Variants in SNRNP70 observed in about 807,000 individuals in gnomAD.
SNRNP70 encodes the protein small nuclear ribonucleoprotein U1 subunit 70.
A neutral mutation model predicts 50.5 loss-of-function variants in SNRNP70; 8 were observed. That is an observed-to-expected ratio of 0.16 (90% CI 0.09 to 0.29). The LOEUF is 0.29. Ranked by LOEUF, SNRNP70 falls within the 10% of genes least tolerant of loss-of-function variation. The probability of loss-of-function intolerance (pLI) is 1.00; values close to 1 mark genes in which losing one functional copy is unlikely to be tolerated. For missense variants in SNRNP70, 529 were observed against 663.5 expected (o/e 0.80, Z 2.23); for synonymous variants, 320 against 252.9 (o/e 1.27, Z -2.52).
chr19:49,101,740 G>T (rs1361171072), intron 7 of SNRNP70: 2 of 488,642 alleles, frequency 4.1e-6, no homozygotes, highest in African/African-American at 3.9e-5. Context: ...GAGGGAACTG[G>T]GTGGGGGGCT....
intron 6 of SNRNP70, among the ~76,000 whole-genome samples, chr19:49,099,988 G>A (rs1302630744): frequency 6.6e-6 from 1 of 152,178 alleles, no homozygotes; most frequent in Non-Finnish European, 1.5e-5. Context: ...GCCTTGCACA[G>A]CCCAGTGACA....
chr19:49,100,845 C>T (rs2040575337), intron 6 of SNRNP70, among the ~76,000 whole-genome samples: 2 of 151,204 alleles, frequency 1.3e-5, no homozygotes, highest in South Asian at 2.1e-4. Context: ...GTCCCATTGG[C>T]ATTCACAACT....
chr19:49,094,659 G>C (rs1015277260), intron 4 of SNRNP70, among the ~76,000 whole-genome samples: 9 of 152,202 alleles, frequency 5.9e-5, no homozygotes, highest in Admixed American at 3.3e-4. Context: ...ATCAAGTTCA[G>C]TAGGGTTTCT....
intron 2 of SNRNP70, among the ~76,000 whole-genome samples, chr19:49,087,177 CAAAAAAAA>C (rs11398967): frequency 9.9e-6 from 1 of 100,638 alleles, no homozygotes; most frequent in Admixed American, 1.2e-4. Flanking sequence ...AAGACTGTCT[CAAAAAAAA>C]AAAAAAAAAA....
chr19:49,106,159 A>G (rs2040665988), intron 8 of SNRNP70, among the ~76,000 whole-genome samples: 1 of 152,060 alleles, frequency 6.6e-6, no homozygotes, highest in Admixed American at 6.6e-5. Flanking sequence ...GGAGCTTACC[A>G]GGCATGTTCT....
intron 7 of SNRNP70, chr19:49,101,802 A>C (rs2122373998): frequency 2.5e-6 from 1 of 396,320 alleles, no homozygotes; most frequent in Middle Eastern, 8.0e-4. Flanking sequence ...AACCTCCCCC[A>C]TTCCCCCCAC....
chr19:49,108,065 C>CGGT lies in SNRNP70; in HGVS notation c.939_941dup (p.Gly314dup). 2 of 1,552,014 alleles carry CGGT rather than the reference C, an allele frequency of 1.3e-6. No homozygotes were observed. The highest frequency in any genetic ancestry group is 1.7e-6 in the Non-Finnish European group (2 of 1,149,034). ...AGCGCAAGGAGGAGCTGCGTGGCGG[C>CGGT]GGTGGCGACATGGCGGAGCCCTCCG... On this transcript the variant is annotated inframe_insertion, in exon 10 of 10. Transcript: ENST00000598441.
chr19:49,102,505 C>T (rs965942505), intron 7 of SNRNP70: 44 of 248,978 alleles, frequency 1.8e-4, no homozygotes, highest in Non-Finnish European at 8.3e-5. Flanking sequence ...GGGCAGGGCT[C>T]CAGGCCAGGG....
rs2040380772 is a variant in SNRNP70 at position 49,086,450 on chromosome 19, C to T, written c.36C>T (p.Leu12=). ...TCCTGCCGCCCAACCTTCTGGCCCT[C>T]TTTGCCCCCCGTGACCCTATTCCAT... ...TQFLPPNLLA[L]FAPRDPIPYL... is the part of the protein sequence containing the mutation. Residue 12 remains leucine (L), a synonymous_variant, in exon 2 of 10, where the codon CTC becomes CTT. Transcript: ENST00000598441. 3 of 1,613,976 alleles carry T rather than the reference C, an allele frequency of 1.9e-6. No individual in the cohort carries two copies. The South Asian group carries it at 3.3e-5, about 18-fold the overall frequency.
Position 49,090,917 on chromosome 19 carries a change from A to C in SNRNP70, c.265+397A>C, listed in dbSNP as rs80170888. 3.6e-3 allele frequency among the ~76,000 whole-genome samples: 549 copies of C among 152,240 alleles called. 4 individuals are homozygous for C. The highest frequency in any genetic ancestry group is 0.018 in the East Asian group (91 of 5,182). On this transcript the variant is annotated intron_variant, in intron 4 of 9. Coordinates refer to ENST00000598441, the MANE Select transcript of SNRNP70 (RefSeq NM_003089.6). The stretch of plus-strand genomic sequence containing the variant: ...CTCCACATAGAGGAGGAATTGGAGT[A>C]CAAGACAGGTGTGTTGTTGCCATTA...
At position 49,086,429 on chromosome 19, in the gene SNRNP70, G is replaced by A. The variant is rs778673738; in HGVS notation, c.15G>A (p.Leu5=). MTQF[L]PPNLLALFAP... is the part of the protein sequence containing the mutation. ...GACTTGGCAAGATGACCCAGTTCCT[G>A]CCGCCCAACCTTCTGGCCCTCTTTG... Residue 5 remains leucine (L), a synonymous_variant, in exon 2 of 10, where the codon CTG becomes CTA. Coordinates refer to ENST00000598441, the MANE Select transcript of SNRNP70 (RefSeq NM_003089.6). 1 of 1,612,900 alleles carries A rather than the reference G, an allele frequency of 6.2e-7. No individual in the cohort carries two copies. The highest frequency in any genetic ancestry group is 8.5e-7 in the Non-Finnish European group (1 of 1,179,330).
Position 49,104,339 on chromosome 19 carries a change from C to A in SNRNP70, c.476-295C>A. 2.7e-6 allele frequency: 1 copy of A among 366,626 alleles called. No homozygotes were observed. The highest frequency in any genetic ancestry group is 5.0e-6 in the Non-Finnish European group (1 of 199,476). The allele number at this position is 366,626 out of a possible 1,614,324, so 22.7% of individuals were successfully genotyped here. A position where few individuals can be genotyped will look rare whatever the true frequency, so the allele number is the denominator to read the frequency against. ...GCCGCCCTGGCGGGAGGGGGCTGTT[C>A]CATCATGTGGGAGAGGAAGGGCCGG... On this transcript the variant is annotated intron_variant, in intron 7 of 9. Transcript: ENST00000598441. This position sits in a 1 kb window ranked among gnomAD's most constrained non-coding sequence, Gnocchi z 5.4.
Position 49,108,513 on chromosome 19 carries a change from C to G in SNRNP70, c.*70C>G, listed in dbSNP as rs913157116. The G allele has an allele frequency of 5.3e-6, 8 of 1,521,212 alleles. No homozygotes were observed. The highest frequency in any genetic ancestry group is 4.2e-5 in the African/African-American group (3 of 72,232). The allele number at this position is 1,521,212 out of a possible 1,614,324, so 94.2% of individuals were successfully genotyped here. A position where few individuals can be genotyped will look rare whatever the true frequency, so the allele number is the denominator to read the frequency against. ...CAGCCCCTTGCTGTCATCCCCTCCC[C>G]CAACCTTGGCCACTTGAGTTTGTCC... On this transcript the variant is annotated 3_prime_UTR_variant, in exon 10 of 10. Transcript: ENST00000598441.
chr19:49,105,256 G>A (rs1012884833), intron 8 of SNRNP70, among the ~76,000 whole-genome samples: 4 of 152,010 alleles, frequency 2.6e-5, no homozygotes, highest in African/African-American at 7.3e-5. Context: ...TCCTGCATTC[G>A]GTCTCCTCAT....
In SNRNP70 at chr19:49,108,460, A is replaced by T. The variant is rs748579727; in HGVS notation, c.*17A>T. 2.5e-6 allele frequency: 4 copies of T among 1,579,536 alleles called. No individual in the cohort carries two copies. The highest frequency in any genetic ancestry group is 3.4e-6 in the Non-Finnish European group (4 of 1,163,990). On this transcript the variant is annotated 3_prime_UTR_variant, in exon 10 of 10. Transcript: ENST00000598441. Reference sequence around the variant, plus strand: ...CCGGAGTGAAGAGGTCGTCCTCTCCATCTGCTGTGTTTGGACGCGTTCCTG... The same window carrying T: ...CCGGAGTGAAGAGGTCGTCCTCTCCTTCTGCTGTGTTTGGACGCGTTCCTG...
chr19:49,086,615 G>A, intron 2 of SNRNP70, 54 bp downstream of exon 2: 1 of 1,548,288 alleles, frequency 6.5e-7, no homozygotes, highest in Non-Finnish European at 8.9e-7. Flanking sequence ...GCAACGGGTT[G>A]GATTTGCGAG....
chr19:49,094,211 T>A (rs1395548690), intron 4 of SNRNP70, among the ~76,000 whole-genome samples: 2 of 151,558 alleles, frequency 1.3e-5, no homozygotes, highest in Non-Finnish European at 2.9e-5. Context: ...GGAATTTCAT[T>A]TAAAATAATC....
intron 4 of SNRNP70, among the ~76,000 whole-genome samples, chr19:49,094,996 G>A (rs1387887173): frequency 1.3e-5 from 2 of 152,258 alleles, no homozygotes; most frequent in African/African-American, 4.8e-5. Context: ...AACCAGTGAT[G>A]TCCTGAGGGA....
In SNRNP70 at chr19:49,108,255, C is replaced by T. The variant is rs1487143288; in HGVS notation, c.1126C>T (p.Arg376Cys). 6.5e-7 allele frequency: 1 copy of T among 1,548,370 alleles called. No individual in the cohort carries two copies. Among genetic ancestry groups the T allele is most frequent in the Non-Finnish European group, 8.7e-7 (1 of 1,146,670 alleles). Reference sequence around the variant, plus strand: ...CCGGGATCGTGACCGTGACCGTGACCGCGAGCACAAACGGGGGGAGCGGGG... The same window carrying T: ...CCGGGATCGTGACCGTGACCGTGACTGCGAGCACAAACGGGGGGAGCGGGG... ...RDRDRDRDRD[R>C]EHKRGERGSE... Residue 376 changes from arginine to cysteine, a missense_variant, in exon 10 of 10, where the codon CGC (arginine) becomes TGC (cysteine). Around this residue, in one of 4 missense-constraint regions of SNRNP70, gnomAD observed 327 missense variants for 308.8 expected, o/e 1.06. Coordinates refer to ENST00000598441, the MANE Select transcript of SNRNP70 (RefSeq NM_003089.6).
Sources: allele counts gnomAD v4.1 joint callset (sites outside exome capture counted in the v4.1 genomes callset), GRCh38; gene constraint gnomAD v4.1.1; regional missense constraint gnomAD v4.1.1; non-coding constraint Gnocchi (gnomAD v3.1); transcripts MANE v1.5; gene names NCBI Gene and HGNC (gene_info 2026-07-23, HGNC 2026-07-21).